GPR61: variants seen among roughly 807,000 people sequenced by gnomAD.
GPR61 encodes G protein-coupled receptor 61.
A neutral mutation model predicts 29.2 loss-of-function variants in GPR61; 15 were observed. The observed-to-expected ratio is 0.51, with a 90% CI of 0.34 to 0.79. The LOEUF is 0.79. GPR61 is among the 30% of genes least tolerant of loss of function. The pLI, the probability that GPR61 is intolerant of heterozygous loss-of-function variation, is 0.01. For missense variants in GPR61, 399 were observed against 582.5 expected, an observed-to-expected ratio of 0.69 and a Z score of 3.24; for synonymous variants, 238 against 242.3, an observed-to-expected ratio of 0.98 and a Z score of 0.17.
In GPR61 at chr1:109,544,439, C is replaced by A; in HGVS notation, c.*61C>A. The A allele has an allele frequency of 7.9e-7, 1 of 1,263,854 alleles. No homozygotes were observed. Among genetic ancestry groups the A allele is most frequent in the South Asian group, 1.3e-5 (1 of 74,582 alleles). The allele number at this position is 1,263,854 out of a possible 1,614,324, so 78.3% of individuals were successfully genotyped here. A position where few individuals can be genotyped will look rare whatever the true frequency, so the allele number is the denominator to read the frequency against. ...GGCCAGTTATGATTGCAAGGACCAC[C>A]TTGTGGGATCACCTTTTCCCAGCTG... On this transcript the variant is annotated 3_prime_UTR_variant, in exon 2 of 2. Transcript: ENST00000527748. This position sits in a 1 kb window ranked among gnomAD's most constrained non-coding sequence, Gnocchi z 4.6.
rs371221387 is a variant in GPR61, at chr1:109,542,039, G to C, written c.-601-383G>C. On this transcript the variant is annotated intron_variant, in intron 1 of 1. Transcript: ENST00000527748. ...GCTGAAATTCAACAACTATTTACTG[G>C]ATGCCTATTATAGTCCAGCCGGCAC... Among the ~76,000 whole-genome samples, 4 of 152,280 alleles carry C rather than the reference G, an allele frequency of 2.6e-5. No homozygotes were observed. In the East Asian group the frequency reaches 7.7e-4, roughly 29 times the overall value.
chr1:109,541,956 G>A (rs2101077300), intron 1 of GPR61, among the ~76,000 whole-genome samples: 1 of 152,344 alleles, frequency 6.6e-6, no homozygotes, highest in South Asian at 2.1e-4. Flanking sequence ...AGAGCCTAAA[G>A]CACAGCTCCC....
rs892915611 is a variant in GPR61, at chr1:109,545,163, C to T, written c.*785C>T. ...CAGAGACAAGAATAAGGCAGGATGGCTTTCCTCTCTTTTAGGAGGAAGAAT... is the reference window on the plus strand; with the variant it reads ...CAGAGACAAGAATAAGGCAGGATGGTTTTCCTCTCTTTTAGGAGGAAGAAT... On this transcript the variant is annotated 3_prime_UTR_variant, in exon 2 of 2. Transcript: ENST00000527748. The T allele has an allele frequency of 1.9e-4, 29 of 152,202 alleles. No homozygotes were observed. Among genetic ancestry groups the T allele is most frequent in the Non-Finnish European group, 2.9e-5 (2 of 68,046 alleles). 9.4% of individuals were successfully genotyped at this position (152,202 alleles called of 1,614,324 possible).
At chr1:109,540,085 G>C (rs1484900913) in intron 1 of GPR61, 132 bp downstream of exon 1, 1 of 152,298 alleles carries the variant, frequency 6.6e-6, no homozygotes, top group Admixed American at 6.5e-5. Context: ...GTTTGATCAG[G>C]AGATGGGCTC....
rs768079992 is a variant in GPR61, at chr1:109,543,184, G to C, written c.162G>C (p.Leu54Phe). ...TCTTCTTCATGCTCCTGCTGGACTT[G>C]ACTGCTGTGGCTGGCAATGCCGCTG... The part of the protein sequence containing the change: ...VALFFMLLLD[L>F]TAVAGNAAVM... Residue 54 changes from leucine to phenylalanine, a missense_variant, in exon 2 of 2, where the codon TTG becomes TTC. Physicochemically the swap from Leu to Phe is conservative, Grantham distance 22 (BLOSUM62 0). Transcript: ENST00000527748. The surrounding 1 kb of genome is among the most constrained non-coding windows in gnomAD (Gnocchi z 6.8). The C allele has an allele frequency of 2.5e-6, 4 of 1,613,924 alleles. No individual in the cohort carries two copies. In the Admixed American group the frequency reaches 5.0e-5, roughly 20 times the overall value.
chr1:109,542,640 C>T lies in GPR61; in HGVS notation c.-383C>T, dbSNP rs1307633671. On this transcript the variant is annotated 5_prime_UTR_variant, in exon 2 of 2. Transcript: ENST00000527748. ...GAAGGAGAAACAGGATTTAGAATCC[C>T]CGGCTAACAGTTCTGGAAAGGGTAG... The T allele has an allele frequency of 2.2e-6, 1 of 462,726 alleles. No individual in the cohort carries two copies. Among genetic ancestry groups the T allele is most frequent in the African/African-American group, 2.0e-5 (1 of 50,572 alleles). 28.7% of individuals were successfully genotyped at this position (462,726 alleles called of 1,614,324 possible).
chr1:109,544,564 T>C lies in GPR61; in HGVS notation c.*186T>C, dbSNP rs930693116. 1.9e-5 allele frequency: 11 copies of C among 571,334 alleles called. No homozygotes were observed. Among genetic ancestry groups the C allele is most frequent in the Admixed American group, 3.2e-5 (1 of 31,428 alleles). 35.4% of individuals were successfully genotyped at this position (571,334 alleles called of 1,614,324 possible). ...ATGAACGTGTGCAAAAGCCTTGGAC[T>C]TGGCTGTGATCTTTGACTGCTAGGG... On this transcript the variant is annotated 3_prime_UTR_variant, in exon 2 of 2. Transcript: ENST00000527748. The surrounding 1 kb of genome is among the most constrained non-coding windows in gnomAD (Gnocchi z 4.6).
Position 109,543,355 on chromosome 1 carries a change from G to A in GPR61, c.333G>A (p.Gly111=), listed in dbSNP as rs1647695745. Residue 111 remains glycine, a synonymous_variant, in exon 2 of 2, where the codon GGG becomes GGA. Transcript: ENST00000527748. This position sits in a 1 kb window ranked among gnomAD's most constrained non-coding sequence, Gnocchi z 6.8. ...SSALFDHALF[G]EVACRLYLFL... is the part of the protein sequence containing the mutation. The stretch of plus-strand genomic sequence containing the variant: ...CCCTCTTTGACCACGCCCTCTTTGG[G>A]GAGGTGGCCTGCCGCCTCTACTTGT... The A allele has an allele frequency of 6.2e-7, 1 of 1,612,654 alleles. No individual in the cohort carries two copies. The highest frequency in any genetic ancestry group is 1.3e-5 in the African/African-American group (1 of 74,690).
rs746693218 is a variant in GPR61, at chr1:109,544,354, C to T, written c.1332C>T (p.Ala444=). The change falls in exon 2 of 2, where the codon GCC becomes GCT. Residue 444 remains alanine, a synonymous_variant. Transcript: ENST00000527748. This position sits in a 1 kb window ranked among gnomAD's most constrained non-coding sequence, Gnocchi z 4.6. ...IIMSDSYLRP[A]ASPRLES ...TGTCAGACAGCTACCTCCGTCCTGC[C>T]GCCTCACCCCGGCTGGAGTCATGAT... The T allele has an allele frequency of 1.4e-5, 22 of 1,612,474 alleles. No homozygotes were observed. The East Asian group carries it at 2.5e-4, about 18-fold the overall frequency.
In GPR61 at chr1:109,546,500, A is replaced by G. The variant is rs1171298312; in HGVS notation, c.*2122A>G. ...AAAGGCGAGTGTACGTGGTGGGAGG[A>G]GGAAGGGGAGGGCATTAAACATTGC... On this transcript the variant is annotated 3_prime_UTR_variant, in exon 2 of 2. Transcript: ENST00000527748. The G allele has an allele frequency of 6.6e-6, 1 of 152,194 alleles. No homozygotes were observed. The highest frequency in any genetic ancestry group is 1.5e-5 in the Non-Finnish European group (1 of 68,044). 9.4% of individuals were successfully genotyped at this position (152,194 alleles called of 1,614,324 possible). A position where few individuals can be genotyped will look rare whatever the true frequency, so the allele number is the denominator to read the frequency against.
Position 109,543,516 on chromosome 1 carries a change from G to C in GPR61, c.494G>C (p.Gly165Ala), listed in dbSNP as rs1338752035. The change falls in exon 2 of 2, where the codon GGT becomes GCT. Residue 165 changes from glycine (G) to alanine (A), a missense_variant. Coordinates refer to ENST00000527748, the MANE Select transcript of GPR61 (RefSeq NM_001393907.1). The surrounding 1 kb of genome is among the most constrained non-coding windows in gnomAD (Gnocchi z 6.8). ...TLGLVASVLV[G>A]VWVKALAMAS... ...GGGCTGGTGGCCTCTGTGCTGGTGGGTGTGTGGGTGAAGGCCTTGGCCATG... is the reference window on the plus strand; with the variant it reads ...GGGCTGGTGGCCTCTGTGCTGGTGGCTGTGTGGGTGAAGGCCTTGGCCATG... 3.7e-6 allele frequency: 6 copies of C among 1,614,136 alleles called. No individual in the cohort carries two copies. Among genetic ancestry groups the C allele is most frequent in the Non-Finnish European group, 5.1e-6 (6 of 1,180,006 alleles).
At position 109,543,791 on chromosome 1, in the gene GPR61, G is replaced by C; in HGVS notation, c.769G>C (p.Glu257Gln). 1 of 1,613,446 alleles carries C rather than the reference G, an allele frequency of 6.2e-7. No homozygotes were observed. The highest frequency in any genetic ancestry group is 8.5e-7 in the Non-Finnish European group (1 of 1,180,028). Residue 257 changes from glutamate (E) to glutamine (Q), a missense_variant, in exon 2 of 2, where the codon GAA (glutamate) becomes CAA (glutamine). Physicochemically the swap from Glu to Gln is conservative, Grantham distance 29 (BLOSUM62 2). Around this residue, in one of 3 missense-constraint regions of GPR61, gnomAD observed 320 missense variants for 459.8 expected, o/e 0.70. Transcript: ENST00000527748. The surrounding 1 kb of genome is among the most constrained non-coding windows in gnomAD (Gnocchi z 6.8). ...TWMETPRQRS[E>Q]SLSSRSTMVT... The stretch of plus-strand genomic sequence containing the variant: ...GATGGAGACACCCCGGCAACGCTCC[G>C]AATCTCTCAGCAGCCGCTCCACGAT...
chr1:109,544,372 GTCATGATGGGCCGCTGGAC>G lies in GPR61; in HGVS notation c.1351_*13del. 1 of 1,609,722 alleles carries G rather than the reference GTCATGATGGGCCGCTGGAC, an allele frequency of 6.2e-7. No individual in the cohort carries two copies. The highest frequency in any genetic ancestry group is 8.5e-7 in the Non-Finnish European group (1 of 1,177,172). ...GTCCTGCCGCCTCACCCCGGCTGGA[GTCATGATGGGCCGCTGGAC>G]ACTCGGAGGGATATGGGGCTGGGGC... On this transcript the variant is annotated stop_lost and 3_prime_UTR_variant, in exon 2 of 2. Transcript: ENST00000527748. The surrounding 1 kb of genome is among the most constrained non-coding windows in gnomAD (Gnocchi z 4.6).
At chr1:109,540,298 T>G (rs1448050075) in intron 1 of GPR61, among the ~76,000 whole-genome samples, 2 of 152,172 alleles carry the variant, frequency 1.3e-5, no homozygotes, top group Non-Finnish European at 2.9e-5. Flanking sequence ...AACTGTGTCC[T>G]GGGCGTGGGC....
Position 109,542,760 on chromosome 1 carries a change from C to A in GPR61, c.-263C>A. The stretch of plus-strand genomic sequence containing the variant: ...GAGTGTTGAGTGGGTCAGGCTCCTG[C>A]ACCTCTCACGTCTCCTGCTTCTTAG... On this transcript the variant is annotated 5_prime_UTR_variant, in exon 2 of 2. Coordinates refer to ENST00000527748, the MANE Select transcript of GPR61 (RefSeq NM_001393907.1). 1.5e-6 allele frequency: 1 copy of A among 667,004 alleles called. No homozygotes were observed. Among genetic ancestry groups the A allele is most frequent in the Non-Finnish European group, 2.8e-6 (1 of 362,538 alleles). 41.3% of individuals were successfully genotyped at this position (667,004 alleles called of 1,614,324 possible). A position where few individuals can be genotyped will look rare whatever the true frequency, so the allele number is the denominator to read the frequency against.
At chr1:109,541,350 T>G (rs1172146329) in intron 1 of GPR61, among the ~76,000 whole-genome samples, 3 of 152,196 alleles carry the variant, frequency 2.0e-5, no homozygotes, top group African/African-American at 2.4e-5. Context: ...GCTGACTGAG[T>G]GTTCTTGGAG....
Position 109,543,780 on chromosome 1 carries a change from G to A in GPR61, c.758G>A (p.Arg253Gln), listed in dbSNP as rs776710730. The A allele has an allele frequency of 2.4e-5, 39 of 1,613,254 alleles. No homozygotes were observed. Among genetic ancestry groups the A allele is most frequent in the East Asian group, 8.9e-5 (4 of 44,874 alleles). ...GPLPTWMETP[R>Q]QRSESLSSRS... ...CTGCCCACGTGGATGGAGACACCCC[G>A]GCAACGCTCCGAATCTCTCAGCAGC... The change falls in exon 2 of 2, where the codon CGG becomes CAG. Residue 253 changes from arginine (R) to glutamine (Q), a missense_variant. By Grantham distance (43) the Arg-to-Gln change is conservative. Transcript: ENST00000527748. The surrounding 1 kb of genome is among the most constrained non-coding windows in gnomAD (Gnocchi z 6.8).
At chr1:109,541,246 G>A (rs1453973843) in intron 1 of GPR61, among the ~76,000 whole-genome samples, 1 of 152,166 alleles carries the variant, frequency 6.6e-6, no homozygotes, top group Non-Finnish European at 1.5e-5. Context: ...AGAGAGGCAC[G>A]TCTCTAGGCA....
At position 109,545,359 on chromosome 1, in the gene GPR61, C is replaced by T. The variant is rs1293953013; in HGVS notation, c.*981C>T. The T allele has an allele frequency of 6.6e-6, 1 of 152,216 alleles. No homozygotes were observed. Among genetic ancestry groups the T allele is most frequent in the African/African-American group, 2.4e-5 (1 of 41,456 alleles). 9.4% of individuals were successfully genotyped at this position (152,216 alleles called of 1,614,324 possible). A position where few individuals can be genotyped will look rare whatever the true frequency, so the allele number is the denominator to read the frequency against. The stretch of plus-strand genomic sequence containing the variant: ...CTCATGGCAGCGACCCACCTCCAGT[C>T]CCCTGGACAATCGGGTACAAGAGAC... On this transcript the variant is annotated 3_prime_UTR_variant, in exon 2 of 2. Transcript: ENST00000527748.
Sources: gnomAD v4.1 joint callset for allele counts (sites outside exome capture counted in the v4.1 genomes callset) on GRCh38, gnomAD v4.1.1 for gene constraint, gnomAD v4.1.1 regional missense constraint, Gnocchi (gnomAD v3.1) non-coding constraint, MANE v1.5 for transcripts, NCBI Gene and HGNC (gene_info 2026-07-23, HGNC 2026-07-21) for gene names.